ANKRD28: variants seen among roughly 807,000 people sequenced by gnomAD.
ANKRD28 encodes serine/threonine-protein phosphatase 6 regulatory ankyrin repeat subunit A.
A neutral mutation model predicts 126.5 loss-of-function variants in ANKRD28; 44 were observed. The ratio of observed to expected loss-of-function variants is 0.35; its 90% confidence interval spans 0.27 to 0.45. The LOEUF (loss-of-function observed/expected upper bound fraction) is 0.45, where lower values mean the gene tolerates loss of function less well. Ranked by LOEUF, ANKRD28 falls within the 20% of genes least tolerant of loss-of-function variation. The pLI is 1.00. For missense variants in ANKRD28, 1,110 were observed against 1,316.6 expected, an observed-to-expected ratio of 0.84 and a Z score of 2.43; for synonymous variants, 442 against 468.5, an observed-to-expected ratio of 0.94 and a Z score of 0.73.
chr3:15,800,578 T>C (rs1262068068), upstream of ANKRD28, among the ~76,000 whole-genome samples: 2 of 152,224 alleles, frequency 1.3e-5, no homozygotes, highest in East Asian at 3.9e-4. Flanking sequence ...GGAGATCCCA[T>C]TCAGTTGCCA....
At chr3:15,692,848 G>A (rs1293454374) in intron 17 of ANKRD28, among the ~76,000 whole-genome samples, 2 of 152,148 alleles carry the variant, frequency 1.3e-5, no homozygotes, top group Non-Finnish European at 2.9e-5. Context: ...ATAGCCAAGA[G>A]AAGAAAGCAA....
chr3:15,748,175 T>C (rs980892548), intron 4 of ANKRD28, among the ~76,000 whole-genome samples: 5 of 152,238 alleles, frequency 3.3e-5, no homozygotes, highest in African/African-American at 1.2e-4. Flanking sequence ...GTAGAGCATT[T>C]AGGCCATTTA....
intron 6 of ANKRD28, 117 bp from the exon 7 acceptor site, chr3:15,724,641 C>CATCA: frequency 2.2e-6 from 2 of 926,326 alleles, no homozygotes; most frequent in Non-Finnish European, 3.1e-6. Flanking sequence ...CATGACAAGT[C>CATCA]ATCAATGAAT....
At chr3:15,850,258 G>GAGAA (rs1553650159) in intron 1 of ANKRD28, among the ~76,000 whole-genome samples, 1,784 of 126,870 alleles carry the variant, frequency 0.014, 69 homozygotes, top group African/African-American at 0.041. Context: ...GAGAGAGAGA[G>GAGAA]AGAGAAAGTT....
At chr3:15,749,172 G>A (rs914939232) in intron 4 of ANKRD28, among the ~76,000 whole-genome samples, 4 of 141,574 alleles carry the variant, frequency 2.8e-5, no homozygotes, top group African/African-American at 8.0e-5. Context: ...CTGCAGTGGC[G>A]CAATCTCGGC....
intron 2 of ANKRD28, among the ~76,000 whole-genome samples, chr3:15,781,950 A>ATACT (rs1338341702): frequency 6.6e-6 from 1 of 152,080 alleles, no homozygotes; most frequent in Non-Finnish European, 1.5e-5. Context: ...GAGTGTAAGA[A>ATACT]TACTACCTGA....
chr3:15,793,371 AGTT>A (rs1204732101), intron 2 of ANKRD28, among the ~76,000 whole-genome samples: 1 of 152,222 alleles, frequency 6.6e-6, no homozygotes, highest in East Asian at 1.9e-4. Context: ...CAATCATAAA[AGTT>A]GTTGTCAAAA....
intron 3 of ANKRD28, among the ~76,000 whole-genome samples, chr3:15,763,056 G>C (rs2058573627): frequency 6.6e-6 from 1 of 151,970 alleles, no homozygotes; most frequent in African/African-American, 2.4e-5. Context: ...TATTTTTTTT[G>C]TTTATAAGCA....
intron 2 of ANKRD28, among the ~76,000 whole-genome samples, chr3:15,781,169 AAACTC>A (rs1373589503): frequency 6.6e-6 from 1 of 152,176 alleles, no homozygotes. Flanking sequence ...AGTATATAAT[AAACTC>A]AACTCAAAAG....
At chr3:15,723,827 G>A (rs1386604806) in intron 7 of ANKRD28, among the ~76,000 whole-genome samples, 7 of 152,050 alleles carry the variant, frequency 4.6e-5, no homozygotes, top group Non-Finnish European at 8.8e-5. Flanking sequence ...TTTAAAGGAT[G>A]GCTTGTGAAA....
intron 6 of ANKRD28, among the ~76,000 whole-genome samples, chr3:15,731,575 G>A (rs971669842): frequency 2.0e-5 from 3 of 151,978 alleles, no homozygotes; most frequent in African/African-American, 4.8e-5. Context: ...CATAACTAGC[G>A]GCACATATCT....
chr3:15,676,022 T>C (rs1340152881), intron 26 of ANKRD28, 33 bp from the exon 27 acceptor site: 3 of 1,560,560 alleles, frequency 1.9e-6, no homozygotes, highest in Non-Finnish European at 2.6e-6. Context: ...TGTACACATA[T>C]GTGCATGTGC....
Position 15,707,948 on chromosome 3 carries a change from G to A in ANKRD28, c.1523C>T (p.Ala508Val). 6.2e-7 allele frequency: 1 copy of A among 1,613,256 alleles called. No individual in the cohort carries two copies. The highest frequency in any genetic ancestry group is 1.7e-5 in the Admixed American group (1 of 59,916). The part of the protein sequence containing the change: ...DERGCTPLHY[A>V]ATSDTDGKCL... Reference sequence around the variant, plus strand: ...CTTGCCATCTGTGTCTGATGTAGCTGCATAGTGCAGGGGTGTGCAGCCTCT... The same window carrying A: ...CTTGCCATCTGTGTCTGATGTAGCTACATAGTGCAGGGGTGTGCAGCCTCT... Residue 508 changes from alanine to valine, a missense_variant, in exon 14 of 28, where the codon GCA becomes GTA. Transcript: ENST00000683139.
intron 10 of ANKRD28, among the ~76,000 whole-genome samples, chr3:15,712,958 A>G (rs2126080084): frequency 6.6e-6 from 1 of 152,368 alleles, no homozygotes; most frequent in South Asian, 2.1e-4. Flanking sequence ...TGTGATACAA[A>G]GAATGATAAA....
chr3:15,850,204 A>AATATATATATATATATATAT (rs1226795631), intron 1 of ANKRD28, among the ~76,000 whole-genome samples: 13 of 54,832 alleles, frequency 2.4e-4, no homozygotes, highest in Non-Finnish European at 3.1e-4. Context: ...AAAAAAAAAA[A>AATATATATATATATATATAT]ATATATATAT....
intron 27 of ANKRD28, 45 bp from the exon 28 acceptor site, chr3:15,670,601 A>G (rs777222530): frequency 8.3e-6 from 13 of 1,561,996 alleles, no homozygotes; most frequent in Non-Finnish European, 1.1e-5. Flanking sequence ...CCTGAGATGT[A>G]TTTCACCAAA....
rs572031357 is a variant in ANKRD28, at chr3:15,811,248, T to C, written c.28-15942A>G. On this transcript the variant is annotated intron_variant, in intron 1 of 27. Coordinates refer to the ANKRD28 transcript ENST00000399451. ...GCTTTATTAGAAGAAATTATTTCCC[T>C]GAATTAAGATCTCCATAATCTGTTA... Among the ~76,000 whole-genome samples, 123 of 152,302 alleles carry C rather than the reference T, an allele frequency of 8.1e-4. 1 individual carries two copies. Among genetic ancestry groups the C allele is most frequent in the Middle Eastern group, 3.4e-3 (1 of 294 alleles).
At position 15,700,005 on chromosome 3, in the gene ANKRD28, A is replaced by C. The variant is rs180809595; in HGVS notation, c.1548-3760T>G. The stretch of plus-strand genomic sequence containing the variant: ...CAACCCAAATGTCCATCAATGATAG[A>C]CTGGATTAAGAAAATGTGGCACATA... On this transcript the variant is annotated intron_variant, in intron 14 of 27. Transcript: ENST00000683139. Among the ~76,000 whole-genome samples the C allele has an allele frequency of 7.2e-5, 11 of 152,362 alleles. No individual in the cohort carries two copies. The East Asian group carries it at 2.1e-3, about 29-fold the overall frequency.
intron 7 of ANKRD28, among the ~76,000 whole-genome samples, chr3:15,721,560 G>A (rs2124930601): frequency 6.6e-6 from 1 of 152,054 alleles, no homozygotes; most frequent in East Asian, 1.9e-4. Context: ...CAGTGACAAA[G>A]GCTAACCTTA....
Sources: gnomAD v4.1 joint callset for allele counts (sites outside exome capture counted in the v4.1 genomes callset) on GRCh38, gnomAD v4.1.1 for gene constraint, MANE v1.5 for transcripts, NCBI Gene and HGNC (gene_info 2026-07-23, HGNC 2026-07-21) for gene names.